Variants in FANCB observed in about 807,000 individuals in gnomAD.
FANCB encodes Fanconi anemia group B protein.
Under a neutral mutation model 38.9 loss-of-function variants are expected in FANCB, and 5 were observed. That is an observed-to-expected ratio of 0.13 (90% CI 0.07 to 0.27). The LOEUF is 0.27. Ranked by LOEUF, FANCB falls within the 10% of genes least tolerant of loss-of-function variation. The pLI, the probability that FANCB is intolerant of heterozygous loss-of-function variation, is 1.00. For synonymous variants in FANCB, 236 were observed against 215.4 expected, an observed-to-expected ratio of 1.10 and a Z score of -0.84; for missense variants, 573 against 602.7, an observed-to-expected ratio of 0.95 and a Z score of 0.52.
chrX:14,813,717 G>A, the FANCB span, among the ~76,000 whole-genome samples: 2 of 111,712 alleles, frequency 1.8e-5, no homozygotes, highest in African/African-American at 6.5e-5. Context: ...TCATGGATAG[G>A]AAGAATCAAT....
the FANCB span, chrX:14,731,791 A>G: frequency 2.7e-5 from 3 of 112,223 alleles, no homozygotes; most frequent in African/African-American, 9.7e-5. Context: ...TTCAATTTCA[A>G]TAAAGCTAAG....
chrX:14,866,159 T>TA (rs11409937), intron 2 of FANCB, among the ~76,000 whole-genome samples: 5,563 of 111,758 alleles, frequency 0.05, 330 homozygotes, highest in African/African-American at 0.16. Flanking sequence ...AACAAGGCTT[T>TA]AAAAAATCTC....
the FANCB span, among the ~76,000 whole-genome samples, chrX:14,805,144 A>G: frequency 3.6e-5 from 4 of 111,039 alleles, no homozygotes; most frequent in Non-Finnish European, 5.7e-5. Context: ...GCTACTAGAC[A>G]CCACCACTTC....
At chrX:14,772,937 T>C in the FANCB span, among the ~76,000 whole-genome samples, 1 of 111,529 alleles carries the variant, frequency 9.0e-6, no homozygotes, top group Non-Finnish European at 1.9e-5. Context: ...TTTGGCTCCA[T>C]GCTGCTCCCG....
At chrX:14,861,206 C>T (rs1461392785) in intron 3 of FANCB, among the ~76,000 whole-genome samples, 1 of 111,563 alleles carries the variant, frequency 9.0e-6, no homozygotes, top group East Asian at 2.8e-4. Context: ...TTTGAAATGC[C>T]TGCCACATAG....
chrX:14,857,924 A>G lies in FANCB; in HGVS notation c.1135T>C (p.Leu379=). 1 of 1,176,395 alleles carries G rather than the reference A, an allele frequency of 8.5e-7. No homozygotes were observed. Among genetic ancestry groups the G allele is most frequent in the Non-Finnish European group, 1.2e-6 (1 of 863,763 alleles). ...SEPSDCNEDD[L]FEDKQENRYL... ...CGATTCTCTTGTTTGTCTTCAAATA[A>G]GTCATCTTCATTGCAATCTGATGGT... Residue 379 remains leucine, a synonymous_variant, in exon 5 of 10, where the codon TTA becomes CTA. Coordinates refer to ENST00000650831, the MANE Select transcript of FANCB (RefSeq NM_001018113.3).
At chrX:14,800,681 T>C in the FANCB span, among the ~76,000 whole-genome samples, 1 of 111,644 alleles carries the variant, frequency 9.0e-6, no homozygotes, top group Admixed American at 9.5e-5. Flanking sequence ...TGTACCTGCT[T>C]GGGGAACAGC....
the FANCB span, among the ~76,000 whole-genome samples, chrX:14,784,291 A>G: frequency 5.3e-5 from 6 of 112,637 alleles, no homozygotes; most frequent in African/African-American, 1.9e-4. Flanking sequence ...ACTGGGCTAC[A>G]GTCAAGGTGT....
the FANCB span, among the ~76,000 whole-genome samples, chrX:14,768,816 T>C: frequency 9.0e-6 from 1 of 111,170 alleles, no homozygotes; most frequent in African/African-American, 3.3e-5. Context: ...ATGGCTCTTA[T>C]TATTTTGAGT....
chrX:14,842,856 TCA>T (rs370051203), downstream of FANCB, among the ~76,000 whole-genome samples: 1 of 112,067 alleles, frequency 8.9e-6, no homozygotes, highest in African/African-American at 3.2e-5. Flanking sequence ...CTTACAATTT[TCA>T]CATTCTTATA....
chrX:14,829,633 G>A, the FANCB span, among the ~76,000 whole-genome samples: 4 of 111,719 alleles, frequency 3.6e-5, no homozygotes, highest in East Asian at 2.8e-4. Context: ...TTATAGAGAC[G>A]GTTTCTTTCC....
At chrX:14,781,986 T>C in the FANCB span, among the ~76,000 whole-genome samples, 1 of 111,915 alleles carries the variant, frequency 8.9e-6, no homozygotes, top group Admixed American at 9.5e-5. Context: ...AACTTACAAC[T>C]GCAGGTCTAA....
the FANCB span, among the ~76,000 whole-genome samples, chrX:14,822,699 T>C: frequency 9.0e-6 from 1 of 111,642 alleles, no homozygotes; most frequent in Non-Finnish European, 1.9e-5. Flanking sequence ...TTGCAAATAA[T>C]ACAAAGGGTT....
At chrX:14,711,670 C>A in the FANCB span, among the ~76,000 whole-genome samples, 2 of 112,114 alleles carry the variant, frequency 1.8e-5, no homozygotes, top group Non-Finnish European at 3.8e-5. Context: ...TTCCCTGAAT[C>A]TTCTCAAAAA....
chrX:14,829,404 C>T, the FANCB span, among the ~76,000 whole-genome samples: 1 of 111,399 alleles, frequency 9.0e-6, no homozygotes, highest in African/African-American at 3.3e-5. Flanking sequence ...CTACATTACT[C>T]CCTACCAAGA....
the FANCB span, among the ~76,000 whole-genome samples, chrX:14,795,820 AAG>A: frequency 1.8e-5 from 2 of 111,898 alleles, no homozygotes; most frequent in African/African-American, 6.5e-5. Flanking sequence ...GCACAGAAGA[AAG>A]AGACATCAAT....
intron 7 of FANCB, among the ~76,000 whole-genome samples, chrX:14,845,893 T>C (rs763205769): frequency 8.9e-6 from 1 of 111,778 alleles, no homozygotes; most frequent in African/African-American, 3.2e-5. Context: ...CATTCCAGCA[T>C]TGTCAAAGTT....
the FANCB span, among the ~76,000 whole-genome samples, chrX:14,720,805 G>C: frequency 9.0e-6 from 1 of 111,599 alleles, no homozygotes; most frequent in East Asian, 2.8e-4. Context: ...TATCTTTGTT[G>C]TTTTCAGTCC....
chrX:14,705,388 C>T, the FANCB span, among the ~76,000 whole-genome samples: 1 of 111,895 alleles, frequency 8.9e-6, no homozygotes, highest in African/African-American at 3.3e-5. Flanking sequence ...GGGTTGGGGA[C>T]TGTGTGTGTT....
Sources: gnomAD v4.1 joint callset for allele counts (sites outside exome capture counted in the v4.1 genomes callset) on GRCh38, gnomAD v4.1.1 for gene constraint, MANE v1.5 for transcripts, NCBI Gene and HGNC (gene_info 2026-07-23, HGNC 2026-07-21) for gene names.